The following PDS5A variants were observed in gnomAD, a reference collection of about 807,000 sequenced individuals.
The protein encoded by PDS5A is sister chromatid cohesion protein PDS5 homolog A.
PDS5A carries 42 observed loss-of-function variants against 167.1 expected under a neutral mutation model. The ratio of observed to expected loss-of-function variants is 0.25; its 90% CI spans 0.20 to 0.33. The LOEUF is 0.33. Ranked by LOEUF, PDS5A falls within the 10% of genes least tolerant of loss-of-function variation. The pLI is 1.00. For missense variants in PDS5A, 1,033 were observed against 1,605.9 expected, an observed-to-expected ratio of 0.64 and a Z score of 6.10; for synonymous variants, 553 against 554.6, an observed-to-expected ratio of 1.00 and a Z score of 0.04.
intron 26 of PDS5A, among the ~76,000 whole-genome samples, chr4:39,851,211 T>G (rs1031709788): frequency 1.3e-5 from 2 of 152,138 alleles, no homozygotes; most frequent in African/African-American, 4.8e-5. Context: ...TACTAGGCAT[T>G]AGGCTAAGCA....
At chr4:39,894,793 T>C (rs7673745) in intron 16 of PDS5A, among the ~76,000 whole-genome samples, 4,683 of 152,292 alleles carry the variant, frequency 0.031, 223 homozygotes, top group African/African-American at 0.11. Flanking sequence ...ACTTGACGTT[T>C]ATGTCTAACA....
intron 2 of PDS5A, among the ~76,000 whole-genome samples, chr4:39,950,950 CT>C (rs1728295047): frequency 6.6e-6 from 1 of 152,122 alleles, no homozygotes; most frequent in Non-Finnish European, 1.5e-5. Flanking sequence ...GTGGACCAGG[CT>C]GGAATACAGT....
chr4:39,839,619 A>G (rs906384943), intron 31 of PDS5A, among the ~76,000 whole-genome samples: 32 of 152,168 alleles, frequency 2.1e-4, no homozygotes, highest in African/African-American at 7.5e-4. Flanking sequence ...TTGGATAGGA[A>G]AAGTTAAGCT....
intron 13 of PDS5A, 43 bp downstream of exon 13, chr4:39,902,304 G>A (rs77174235): frequency 0.085 from 75,668 of 885,076 alleles, 3,431 homozygotes; most frequent in Middle Eastern, 0.13. Flanking sequence ...GTAATTTTAC[G>A]AAATCCTTAG....
At chr4:39,893,798 C>G (rs1722169163) in intron 16 of PDS5A, among the ~76,000 whole-genome samples, 1 of 152,170 alleles carries the variant, frequency 6.6e-6, no homozygotes, top group African/African-American at 2.4e-5. Flanking sequence ...ACTCAAGTCA[C>G]ACAATGCTAA....
intron 5 of PDS5A, among the ~76,000 whole-genome samples, chr4:39,923,352 AAAAAAG>A (rs1725172589): frequency 6.6e-6 from 1 of 151,356 alleles, no homozygotes; most frequent in African/African-American, 2.4e-5. Flanking sequence ...AAAAAGAAAA[AAAAAAG>A]GAAAAGGAAA....
At chr4:39,861,574 T>G (rs6853913) in intron 26 of PDS5A, among the ~76,000 whole-genome samples, 2 of 151,962 alleles carry the variant, frequency 1.3e-5, no homozygotes, top group South Asian at 4.1e-4. Flanking sequence ...AATAATTTAT[T>G]TGTATTTTAA....
At chr4:39,874,129 G>C (rs908434225) in intron 20 of PDS5A, among the ~76,000 whole-genome samples, 160 bp downstream of exon 20, 1 of 152,154 alleles carries the variant, frequency 6.6e-6, no homozygotes, top group Admixed American at 6.5e-5. Flanking sequence ...TGGGAATGCA[G>C]TACCACATAA....
At chr4:39,922,241 T>C (rs970814099) in intron 6 of PDS5A, among the ~76,000 whole-genome samples, 1 of 152,216 alleles carries the variant, frequency 6.6e-6, no homozygotes, top group Non-Finnish European at 1.5e-5. Flanking sequence ...AAAGGTACGA[T>C]ACGGATTCTG....
intron 2 of PDS5A, among the ~76,000 whole-genome samples, chr4:39,972,056 C>T (rs752492941): frequency 2.0e-5 from 3 of 152,072 alleles, no homozygotes; most frequent in Non-Finnish European, 1.5e-5. Context: ...ATATGAACGT[C>T]GATTTTAACT....
intron 2 of PDS5A, among the ~76,000 whole-genome samples, chr4:39,961,687 C>T (rs551314746): frequency 7.9e-5 from 12 of 152,264 alleles, no homozygotes; most frequent in Admixed American, 2.0e-4. Flanking sequence ...TGGCACCGCA[C>T]CCAGCCATGT....
chr4:39,893,592 T>C lies in PDS5A; in HGVS notation c.1771-3228A>G, dbSNP rs1347702881. Among the ~76,000 whole-genome samples the C allele has an allele frequency of 2.0e-5, 3 of 152,224 alleles. No individual in the cohort carries two copies. In the East Asian group the frequency reaches 5.8e-4, roughly 29 times the overall value. On this transcript the variant is annotated intron_variant, in intron 16 of 32. Coordinates refer to ENST00000303538, the MANE Select transcript of PDS5A (RefSeq NM_001100399.2). ...AATGAGAGAAACTAAATTTTACATTTGCATTATTTTTCTTTATTCTTCTAC... is the reference window on the plus strand; with the variant it reads ...AATGAGAGAAACTAAATTTTACATTCGCATTATTTTTCTTTATTCTTCTAC...
intron 29 of PDS5A, among the ~76,000 whole-genome samples, chr4:39,845,306 T>C (rs531105179): frequency 6.6e-6 from 1 of 152,328 alleles, no homozygotes; most frequent in Middle Eastern, 3.4e-3. Flanking sequence ...GTAATATTAA[T>C]GTATCCTTTA....
intron 17 of PDS5A, among the ~76,000 whole-genome samples, chr4:39,887,977 TGCAGTG>T (rs1721625137): frequency 6.6e-6 from 1 of 151,828 alleles, no homozygotes; most frequent in South Asian, 2.1e-4. Context: ...ACAGGCCAGG[TGCAGTG>T]GCTCACGCCT....
chr4:39,948,621 ATTTTT>A (rs55951253), intron 2 of PDS5A, among the ~76,000 whole-genome samples: 1 of 110,930 alleles, frequency 9.0e-6, no homozygotes, highest in Admixed American at 1.0e-4. Context: ...CCACGCCTGG[ATTTTT>A]TTTTTTTTTT....
rs780111750 is a variant in PDS5A, at chr4:39,838,108, G to C, written c.3758C>G (p.Thr1253Arg). ...TCCCGATTCATCTACTTTCTCATCTGTTTTTTGTTGGATATTCTCTGCACC... is the reference window on the plus strand; with the variant it reads ...TCCCGATTCATCTACTTTCTCATCTCTTTTTTGTTGGATATTCTCTGCACC... ...AAGAENIQQK[T>R]DEKVDESGPP... The change falls in exon 32 of 33, where the codon ACA becomes AGA. Residue 1253 changes from threonine to arginine, a missense_variant. Thr to Arg is a moderately conservative substitution (Grantham distance 71). Coordinates refer to ENST00000303538, the MANE Select transcript of PDS5A (RefSeq NM_001100399.2). The C allele has an allele frequency of 1.4e-5, 22 of 1,613,682 alleles. No individual in the cohort carries two copies. Among genetic ancestry groups the C allele is most frequent in the Middle Eastern group, 3.3e-4 (2 of 6,082 alleles).
At chr4:39,856,771 A>T (rs1718557027) in intron 26 of PDS5A, among the ~76,000 whole-genome samples, 1 of 152,030 alleles carries the variant, frequency 6.6e-6, no homozygotes, top group Admixed American at 6.6e-5. Flanking sequence ...AGCCAAGATC[A>T]CGCCACCGCA....
At chr4:39,876,457 C>T (rs1027829778) in intron 19 of PDS5A, among the ~76,000 whole-genome samples, 10 of 152,082 alleles carry the variant, frequency 6.6e-5, no homozygotes, top group South Asian at 2.1e-4. Context: ...GAACTAATTG[C>T]CAATACCCTG....
chr4:39,956,022 G>A (rs1578821625), intron 2 of PDS5A, among the ~76,000 whole-genome samples: 1 of 151,916 alleles, frequency 6.6e-6, no homozygotes, highest in African/African-American at 2.4e-5. Context: ...GGAGGCTGAC[G>A]TGGGAGGATT....
Sources: gnomAD v4.1 joint callset for allele counts (sites outside exome capture counted in the v4.1 genomes callset) on GRCh38, gnomAD v4.1.1 for gene constraint, MANE v1.5 for transcripts, NCBI Gene and HGNC (gene_info 2026-07-23, HGNC 2026-07-21) for gene names.